Variants in KDM2B observed in about 807,000 individuals in gnomAD.
The protein encoded by KDM2B is lysine demethylase 2B, also known as lysine-specific demethylase 2B.
Under a neutral mutation model 150.0 loss-of-function variants are expected in KDM2B, and 26 were observed. That is an observed-to-expected ratio of 0.17 (90% CI 0.13 to 0.24). The LOEUF (loss-of-function observed/expected upper bound fraction) is 0.24, where lower values mean the gene tolerates loss of function less well. Ranked by LOEUF, KDM2B falls within the 10% of genes least tolerant of loss-of-function variation. The pLI is 1.00. For missense variants in KDM2B, 1,265 were observed against 1,816.9 expected (o/e 0.70, Z 5.52); for synonymous variants, 734 against 729.5 (o/e 1.01, Z -0.10).
intron 12 of KDM2B, among the ~76,000 whole-genome samples, chr12:121,478,999 G>A (rs992700298): frequency 1.3e-5 from 2 of 151,616 alleles, no homozygotes; most frequent in Admixed American, 6.6e-5. Flanking sequence ...ATTAAGGTTT[G>A]AGCCACGGCA....
intron 4 of KDM2B, among the ~76,000 whole-genome samples, chr12:121,558,087 T>C (rs782178227): frequency 7.2e-5 from 11 of 152,254 alleles, no homozygotes; most frequent in Admixed American, 2.0e-4. Flanking sequence ...TTCTTGTCTT[T>C]CCACCCTGCT....
chr12:121,558,460 T>C (rs1566416480), intron 4 of KDM2B, among the ~76,000 whole-genome samples: 1 of 150,102 alleles, frequency 6.7e-6, no homozygotes, highest in Non-Finnish European at 1.5e-5. Context: ...TTTTTCTTTT[T>C]TTTTTTTTTT....
At chr12:121,577,237 C>T (rs1555316994) in intron 2 of KDM2B, among the ~76,000 whole-genome samples, 1 of 152,104 alleles carries the variant, frequency 6.6e-6, no homozygotes, top group East Asian at 1.9e-4. Flanking sequence ...CCCCATCCCC[C>T]AGGGTCAGCT....
chr12:121,503,299 T>C (rs1884760873), intron 11 of KDM2B, among the ~76,000 whole-genome samples: 1 of 151,404 alleles, frequency 6.6e-6, no homozygotes, highest in African/African-American at 2.4e-5. Flanking sequence ...GTTTTTTTTT[T>C]TTCTTTTTTG....
chr12:121,504,545 C>A (rs1394724279), intron 11 of KDM2B, among the ~76,000 whole-genome samples: 1 of 151,826 alleles, frequency 6.6e-6, no homozygotes, highest in East Asian at 1.9e-4. Context: ...CAAAAAAAAA[C>A]CAAAACCTAC....
At chr12:121,419,430 C>T in the KDM2B span, among the ~76,000 whole-genome samples, 3 of 152,136 alleles carry the variant, frequency 2.0e-5, no homozygotes, top group Non-Finnish European at 2.9e-5. Flanking sequence ...TAAGTCCAAG[C>T]CAGGAGTTTT....
At position 121,485,870 on chromosome 12, in the gene KDM2B, G is replaced by C. The variant is rs1882699349; in HGVS notation, c.1734+8709C>G. Among the ~76,000 whole-genome samples, 8 of 151,476 alleles carry C rather than the reference G, an allele frequency of 5.3e-5. No homozygotes were observed. The South Asian group carries it at 1.7e-3, about 32-fold the overall frequency. On this transcript the variant is annotated intron_variant, in intron 12 of 22. Coordinates refer to ENST00000377071, the MANE Select transcript of KDM2B (RefSeq NM_032590.5). ...CGGCTCATTGCAACCTCCACCTCCT[G>C]GGTTCATACAATTCTCCTGCCTCTG... is the stretch of plus-strand genomic sequence containing the variant.
intron 12 of KDM2B, among the ~76,000 whole-genome samples, chr12:121,455,856 G>A (rs1398047928): frequency 6.6e-6 from 1 of 152,234 alleles, no homozygotes; most frequent in Admixed American, 6.5e-5. Flanking sequence ...GCCCACGTGA[G>A]AAGTAAAACG....
chr12:121,463,077 G>T (rs1288308388), intron 12 of KDM2B, among the ~76,000 whole-genome samples: 1 of 151,354 alleles, frequency 6.6e-6, no homozygotes, highest in Non-Finnish European at 1.5e-5. Context: ...AGCACTTTGG[G>T]AGGCCAAGGC....
rs1384440735 is a variant in KDM2B at position 121,431,672 on chromosome 12, C to G, written c.3830-1203G>C. Reference sequence around the variant, plus strand: ...CACCAAACTGACTTCCTTTATACAGCTAGTCCTTTCAGACAGTGGCCTCCA... The same window carrying G: ...CACCAAACTGACTTCCTTTATACAGGTAGTCCTTTCAGACAGTGGCCTCCA... On this transcript the variant is annotated intron_variant, in intron 22 of 22. Transcript: ENST00000377071. Among the ~76,000 whole-genome samples the G allele has an allele frequency of 3.3e-5, 5 of 152,116 alleles. No homozygotes were observed. The East Asian group carries it at 9.6e-4, about 29-fold the overall frequency.
chr12:121,422,391 C>T, the KDM2B span, among the ~76,000 whole-genome samples: 1 of 152,144 alleles, frequency 6.6e-6, no homozygotes, highest in Admixed American at 6.5e-5. Context: ...TGGGAAGGAA[C>T]CCTCCACACA....
intron 12 of KDM2B, among the ~76,000 whole-genome samples, chr12:121,456,060 T>C (rs1878190265): frequency 6.6e-6 from 1 of 152,246 alleles, no homozygotes; most frequent in Admixed American, 6.5e-5. Flanking sequence ...TTACTGATGA[T>C]ATTACCTAAC....
chr12:121,439,343 T>G (rs1292256167), intron 22 of KDM2B, among the ~76,000 whole-genome samples: 7 of 151,876 alleles, frequency 4.6e-5, no homozygotes, highest in Non-Finnish European at 1.0e-4. Context: ...TAACTGGCAC[T>G]ATTTTGGGGT....
intron 4 of KDM2B, among the ~76,000 whole-genome samples, chr12:121,572,480 A>G (rs976592087): frequency 2.6e-5 from 4 of 152,042 alleles, no homozygotes; most frequent in Non-Finnish European, 5.9e-5. Context: ...CCCTCAACCT[A>G]GAATGTCTTT....
At chr12:121,445,872 G>C (rs1483875588) in intron 13 of KDM2B, among the ~76,000 whole-genome samples, 2 of 152,222 alleles carry the variant, frequency 1.3e-5, no homozygotes, top group Non-Finnish European at 2.9e-5. Flanking sequence ...AGATGAAGCT[G>C]CATCTCACCA....
At chr12:121,439,718 T>C in intron 22 of KDM2B, 139 bp downstream of exon 22, 2 of 676,928 alleles carry the variant, frequency 3.0e-6, no homozygotes, top group South Asian at 3.5e-5. Flanking sequence ...CCCCCTGGAC[T>C]GGGCTGTCTG....
chr12:121,560,259 C>T (rs1890242364), intron 4 of KDM2B, among the ~76,000 whole-genome samples: 2 of 152,154 alleles, frequency 1.3e-5, no homozygotes, highest in Non-Finnish European at 2.9e-5. Flanking sequence ...ACTGCCTCAG[C>T]CTCCCAAAGC....
At chr12:121,440,258 G>C (rs1014721952) in intron 21 of KDM2B, 183 bp from the exon 22 acceptor site, 3 of 601,206 alleles carry the variant, frequency 5.0e-6, no homozygotes, top group Non-Finnish European at 8.8e-6. Context: ...TCAAAACTTA[G>C]ATTTTCAGAT....
intron 4 of KDM2B, among the ~76,000 whole-genome samples, chr12:121,557,382 C>T (rs1338129473): frequency 4.6e-5 from 7 of 151,958 alleles, no homozygotes; most frequent in Non-Finnish European, 7.4e-5. Context: ...GGATTACAGG[C>T]GCCTACCACC....
Sources: allele counts gnomAD v4.1 joint callset (sites outside exome capture counted in the v4.1 genomes callset), GRCh38; gene constraint gnomAD v4.1.1; transcripts MANE v1.5; gene names NCBI Gene and HGNC (gene_info 2026-07-23, HGNC 2026-07-21).